The following SH3BP4 variants were observed in gnomAD, a reference collection of about 807,000 sequenced individuals.
SH3BP4 encodes SH3 domain binding protein 4.
In SH3BP4, 33 loss-of-function variants were observed where a neutral mutation model predicts 65.5. That is an observed-to-expected ratio of 0.50 (90% CI 0.38 to 0.67). The LOEUF is 0.67. Among genes scored for constraint, SH3BP4 ranks in the 30% least tolerant of loss-of-function variants. The pLI is 0.00. For missense variants in SH3BP4, 1,134 were observed against 1,261.4 expected (o/e 0.90, Z 1.53); for synonymous variants, 552 against 545.5 (o/e 1.01, Z -0.17).
intron 1 of SH3BP4, chr2:234,983,304 A>AT (rs1366813715): frequency 6.6e-6 from 1 of 152,256 alleles, no homozygotes; most frequent in African/African-American, 2.4e-5. Context: ...TGGGTACTCT[A>AT]TAAATCATCC....
chr2:235,038,883 A>G lies in SH3BP4; in HGVS notation c.119-2005A>G, dbSNP rs940119995. On this transcript the variant is annotated intron_variant, in intron 3 of 5. Coordinates refer to ENST00000392011, the MANE Select transcript of SH3BP4 (RefSeq NM_014521.3). ...GCATGTTCTGAACCTCATCAGGTAC[A>G]TGATGTAGTGGTTGGTGGTAAGAGC... Among the ~76,000 whole-genome samples the G allele has an allele frequency of 2.6e-5, 4 of 152,316 alleles. No individual in the cohort carries two copies. In the South Asian group the frequency reaches 6.2e-4, roughly 24 times the overall value.
chr2:234,955,935 G>C (rs540791326), intron 1 of SH3BP4, among the ~76,000 whole-genome samples: 2 of 152,282 alleles, frequency 1.3e-5, no homozygotes, highest in African/African-American at 4.8e-5. Context: ...ACCTGGATCT[G>C]TCCAAGTCCA....
rs148584740 is a variant in SH3BP4, at chr2:234,963,053, C to T, written c.-207+10883C>T. Among the ~76,000 whole-genome samples the T allele has an allele frequency of 9.9e-5, 15 of 152,272 alleles. No homozygotes were observed. In the East Asian group the frequency reaches 2.9e-3, roughly 29 times the overall value. On this transcript the variant is annotated intron_variant, in intron 1 of 5. Coordinates refer to ENST00000392011, the MANE Select transcript of SH3BP4 (RefSeq NM_014521.3). ...GCGTGAGCCACCACGCCCGGCAATG[C>T]TATGCTTTTAAAAATAGCTTTTTAT...
In SH3BP4 at chr2:235,053,772, G is replaced by C; in HGVS notation, c.2848G>C (p.Ala950Pro). The C allele has an allele frequency of 6.2e-7, 1 of 1,614,244 alleles. No homozygotes were observed. Among genetic ancestry groups the C allele is most frequent in the East Asian group, 2.2e-5 (1 of 44,878 alleles). ...ILVNSLDVLR[A>P]AAFSPADQDD... The stretch of plus-strand genomic sequence containing the variant: ...GGTGAACTCCCTGGACGTTCTGAGA[G>C]CAGCCGCCTTCAGCCCTGCGGACCA... The change falls in exon 6 of 6, where the codon GCA (alanine) becomes CCA (proline). Residue 950 changes from alanine to proline, a missense_variant. Ala to Pro is a conservative substitution (Grantham distance 27). Coordinates refer to ENST00000392011, the MANE Select transcript of SH3BP4 (RefSeq NM_014521.3).
In SH3BP4 at chr2:235,054,239, A is replaced by C. The variant is rs1696157574; in HGVS notation, c.*423A>C. ...ATATAGGTATTTAAAGGTCACTGGG[A>C]GCGTTTCTGATTCCCGGCCACACTT... is the stretch of plus-strand genomic sequence containing the variant. On this transcript the variant is annotated 3_prime_UTR_variant, in exon 6 of 6. Coordinates refer to ENST00000392011, the MANE Select transcript of SH3BP4 (RefSeq NM_014521.3). 6.3e-6 allele frequency: 1 copy of C among 158,020 alleles called. No homozygotes were observed. The highest frequency in any genetic ancestry group is 2.4e-5 in the African/African-American group (1 of 41,460). 9.8% of individuals were successfully genotyped at this position (158,020 alleles called of 1,614,324 possible). A position where few individuals can be genotyped will look rare whatever the true frequency, so the allele number is the denominator to read the frequency against.
In SH3BP4 at chr2:235,034,719, G is replaced by A. The variant is rs1376022773; in HGVS notation, c.-132-152G>A. On this transcript the variant is annotated intron_variant, in intron 2 of 5. Transcript: ENST00000392011. This position sits in a 1 kb window ranked among gnomAD's most constrained non-coding sequence, Gnocchi z 6.2. The stretch of plus-strand genomic sequence containing the variant: ...TGGGCACAGAGGCCAAGGAGCAAGC[G>A]CTGCTCTGCTCTGTTGGGCCAGGAA... Among the ~76,000 whole-genome samples the A allele has an allele frequency of 4.6e-5, 7 of 152,310 alleles. No individual in the cohort carries two copies. The highest frequency in any genetic ancestry group is 3.9e-4 in the East Asian group (2 of 5,178).
chr2:235,003,764 A>G (rs1694205773), intron 2 of SH3BP4, among the ~76,000 whole-genome samples: 1 of 152,210 alleles, frequency 6.6e-6, no homozygotes, highest in African/African-American at 2.4e-5. Context: ...AGTGATGGTG[A>G]CAGAGGCTGG....
intron 1 of SH3BP4, among the ~76,000 whole-genome samples, chr2:234,956,985 G>A (rs1303617140): frequency 6.6e-6 from 1 of 152,026 alleles, no homozygotes; most frequent in East Asian, 1.9e-4. Context: ...TGCAGTATCT[G>A]CCAATTTCTG....
At position 235,040,995 on chromosome 2, in the gene SH3BP4, T is replaced by G; in HGVS notation, c.226T>G (p.Phe76Val). ...YCPTNFTTLK[F>V]SKGDHLYVLD... ...CCCCACCAACTTCACCACACTGAAG[T>G]TCTCCAAGGGCGACCATCTCTACGT... The change falls in exon 4 of 6, where the codon TTC (phenylalanine) becomes GTC (valine). Residue 76 changes from phenylalanine (F) to valine (V), a missense_variant. Transcript: ENST00000392011. The G allele has an allele frequency of 6.2e-7, 1 of 1,614,066 alleles. No homozygotes were observed. The highest frequency in any genetic ancestry group is 8.5e-7 in the Non-Finnish European group (1 of 1,180,010).
intron 1 of SH3BP4, among the ~76,000 whole-genome samples, chr2:234,981,994 C>T (rs1483359094): frequency 6.6e-6 from 1 of 152,150 alleles, no homozygotes; most frequent in East Asian, 1.9e-4. Flanking sequence ...TGAGGCTGGG[C>T]TTTTTGGGAA....
chr2:234,972,372 A>G lies in SH3BP4; in HGVS notation c.-207+20202A>G, dbSNP rs578214179. 7.9e-5 allele frequency among the ~76,000 whole-genome samples: 12 copies of G among 152,142 alleles called. No individual in the cohort carries two copies. In the South Asian group the frequency reaches 2.3e-3, roughly 29 times the overall value. On this transcript the variant is annotated intron_variant, in intron 1 of 5. Transcript: ENST00000392011. ...GGTCTCGGACTCCTGACCTCAGGTA[A>G]TCCACCTGCCTAGGCTTCCCAAAGT...
chr2:234,964,510 A>G (rs1401690933), intron 1 of SH3BP4, among the ~76,000 whole-genome samples: 1 of 125,774 alleles, frequency 8.0e-6, no homozygotes, highest in Non-Finnish European at 1.8e-5. Flanking sequence ...CACCAGGGGA[A>G]AGGTCAGGGT....
At chr2:235,050,747 G>T (rs1696022478) in intron 4 of SH3BP4, among the ~76,000 whole-genome samples, 1 of 151,906 alleles carries the variant, frequency 6.6e-6, no homozygotes, top group Admixed American at 6.6e-5. Flanking sequence ...GAAGTAAGCA[G>T]CCCAGCCGAC....
chr2:235,042,444 G>T lies in SH3BP4; in HGVS notation c.1675G>T (p.Val559Leu), dbSNP rs764165962. The T allele has an allele frequency of 2.5e-6, 4 of 1,614,036 alleles. No individual in the cohort carries two copies. Residue 559 changes from valine to leucine, a missense_variant, in exon 4 of 6, where the codon GTG (valine) becomes TTG (leucine). By Grantham distance (32) the Val-to-Leu change is conservative (BLOSUM62 1). Coordinates refer to ENST00000392011, the MANE Select transcript of SH3BP4 (RefSeq NM_014521.3). This position sits in a 1 kb window ranked among gnomAD's most constrained non-coding sequence, Gnocchi z 7.3. ...CAAAGCCAGCGAGCAGGCCAAAGTG[G>T]TGCGAGGATTCCAGCTGAAGCTGGG... ...EVKASEQAKVVRGFQLKLGKV... is the reference protein window; with the variant it reads ...EVKASEQAKVLRGFQLKLGKV...
chr2:234,995,872 C>T (rs1693899766), intron 2 of SH3BP4: 1 of 152,296 alleles, frequency 6.6e-6, no homozygotes, highest in South Asian at 2.1e-4. Flanking sequence ...TTAGAGGTCA[C>T]CCTCCCTGGG....
chr2:234,975,867 C>G (rs1381010518), intron 1 of SH3BP4, among the ~76,000 whole-genome samples: 2 of 152,068 alleles, frequency 1.3e-5, no homozygotes, highest in African/African-American at 4.8e-5. Flanking sequence ...CAGAGCAAGA[C>G]CCTCTCTCAA....
At chr2:234,955,933 C>G (rs1692575861) in intron 1 of SH3BP4, among the ~76,000 whole-genome samples, 1 of 152,198 alleles carries the variant, frequency 6.6e-6, no homozygotes, top group African/African-American at 2.4e-5. Flanking sequence ...GAACCTGGAT[C>G]TGTCCAAGTC....
At position 234,974,415 on chromosome 2, in the gene SH3BP4, TC is replaced by T. The variant is rs1693107907; in HGVS notation, c.-206-20886del. Among the ~76,000 whole-genome samples the T allele has an allele frequency of 6.6e-6, 1 of 152,116 alleles. No individual in the cohort carries two copies. The highest frequency in any genetic ancestry group is 1.5e-5 in the Non-Finnish European group (1 of 68,018). ...AGAGAGATTTGTGAAGGTCATGAGTTCCAGCCCATTTCACTGCTCCATAAAA... is the reference window on the plus strand; with the variant it reads ...AGAGAGATTTGTGAAGGTCATGAGTTCAGCCCATTTCACTGCTCCATAAAA... On this transcript the variant is annotated intron_variant, in intron 1 of 5. Transcript: ENST00000392011. This position sits in a 1 kb window ranked among gnomAD's most constrained non-coding sequence, Gnocchi z 4.6.
rs1695650212 is a variant in SH3BP4, at chr2:235,041,620, G to A, written c.851G>A (p.Arg284Gln). The A allele has an allele frequency of 1.2e-6, 2 of 1,613,980 alleles. No individual in the cohort carries two copies. Among genetic ancestry groups the A allele is most frequent in the East Asian group, 2.2e-5 (1 of 44,872 alleles). Reference protein sequence around the residue: ...PEQFQSREDFRTAWLNHRKLA... With the variant: ...PEQFQSREDFQTAWLNHRKLA... ...CAATTTCAGAGCCGGGAGGATTTTCGAACTGCCTGGCTAAACCACAGGAAG... is the reference window on the plus strand; with the variant it reads ...CAATTTCAGAGCCGGGAGGATTTTCAAACTGCCTGGCTAAACCACAGGAAG... Residue 284 changes from arginine (R) to glutamine (Q), a missense_variant, in exon 4 of 6, where the codon CGA (arginine) becomes CAA (glutamine). By Grantham distance (43) the Arg-to-Gln change is conservative. Transcript: ENST00000392011. This position sits in a 1 kb window ranked among gnomAD's most constrained non-coding sequence, Gnocchi z 6.0.
Sources: gnomAD v4.1 joint callset for allele counts (sites outside exome capture counted in the v4.1 genomes callset) on GRCh38, gnomAD v4.1.1 for gene constraint, Gnocchi (gnomAD v3.1) non-coding constraint, MANE v1.5 for transcripts, NCBI Gene and HGNC (gene_info 2026-07-23, HGNC 2026-07-21) for gene names.